Variants in TSSK2 observed in about 807,000 individuals in gnomAD.
TSSK2 encodes the protein testis specific serine kinase 2, also known as testis-specific serine/threonine-protein kinase 2.
In TSSK2, 5 loss-of-function variants were observed where a neutral mutation model predicts 14.2. That is an observed-to-expected ratio of 0.35 (90% confidence interval 0.18 to 0.74). The LOEUF is 0.74. Among genes scored for constraint, TSSK2 ranks in the 30% least tolerant of loss-of-function variants. The pLI, the probability that TSSK2 is intolerant of heterozygous loss-of-function variation, is 0.56. For missense variants in TSSK2, 439 were observed against 491.1 expected, an observed-to-expected ratio of 0.89 and a Z score of 1.00; for synonymous variants, 209 against 201.9, an observed-to-expected ratio of 1.04 and a Z score of -0.30.
rs2083505778 is a variant in TSSK2, at chr22:19,131,471, A to G, written c.72A>G (p.Ala24=). The G allele has an allele frequency of 6.2e-7, 1 of 1,614,134 alleles. No individual in the cohort carries two copies. Among genetic ancestry groups the G allele is most frequent in the African/African-American group, 1.3e-5 (1 of 75,042 alleles). The stretch of plus-strand genomic sequence containing the variant: ...TCAATCTTGGCAAGGGTTCCTACGC[A>G]AAAGTCAAATCTGCCTACTCTGAGC... ...VGINLGKGSY[A]KVKSAYSERL... Residue 24 remains alanine (A), a synonymous_variant, in exon 1 of 1, where the codon GCA becomes GCG. Transcript: ENST00000399635. The surrounding 1 kb of genome is among the most constrained non-coding windows in gnomAD (Gnocchi z 5.7).
chr22:19,131,785 A>ACCTGGACAT lies in TSSK2; in HGVS notation c.388_396dup (p.Leu130_Ile132dup), dbSNP rs2083510245. ...TCCTCCGCCGTCAAGTACTGCCACG[A>ACCTGGACAT]CCTGGACATCGTCCACCGGGACCTC... On this transcript the variant is annotated inframe_insertion, in exon 1 of 1. Transcript: ENST00000399635. The surrounding 1 kb of genome is among the most constrained non-coding windows in gnomAD (Gnocchi z 5.7). 2 of 1,614,018 alleles carry ACCTGGACAT rather than the reference A, an allele frequency of 1.2e-6. No individual in the cohort carries two copies. The highest frequency in any genetic ancestry group is 1.7e-6 in the Non-Finnish European group (2 of 1,180,028).
rs746537468 is a variant in TSSK2, at chr22:19,132,271, G to A, written c.872G>A (p.Gly291Asp). The stretch of plus-strand genomic sequence containing the variant: ...GCCTCCTTCAAGAGGGAGGGGGAGG[G>A]CAAGTACCGCGCTGAGTGCAAACTG... Reference protein sequence around the residue: ...SSASFKREGEGKYRAECKLDT... With the variant: ...SSASFKREGEDKYRAECKLDT... The change falls in exon 1 of 1, where the codon GGC becomes GAC. Residue 291 changes from glycine (G) to aspartate (D), a missense_variant. By Grantham distance (94) the Gly-to-Asp change is moderately conservative. Coordinates refer to ENST00000399635, the MANE Select transcript of TSSK2 (RefSeq NM_053006.5). This position sits in a 1 kb window ranked among gnomAD's most constrained non-coding sequence, Gnocchi z 4.2. The A allele has an allele frequency of 6.2e-7, 1 of 1,613,072 alleles. No homozygotes were observed. The highest frequency in any genetic ancestry group is 8.5e-7 in the Non-Finnish European group (1 of 1,179,614).
In TSSK2 at chr22:19,131,613, A is replaced by G; in HGVS notation, c.214A>G (p.Ile72Val). The change falls in exon 1 of 1, where the codon ATC becomes GTC. Residue 72 changes from isoleucine to valine, a missense_variant. By Grantham distance (29) the Ile-to-Val change is conservative. Coordinates refer to ENST00000399635, the MANE Select transcript of TSSK2 (RefSeq NM_053006.5). The surrounding 1 kb of genome is among the most constrained non-coding windows in gnomAD (Gnocchi z 5.7). ...CCTGGCAACTGTCAACCACGGCTCCATCATCAAGACTTACGAGATCTTTGA... is the reference window on the plus strand; with the variant it reads ...CCTGGCAACTGTCAACCACGGCTCCGTCATCAAGACTTACGAGATCTTTGA... ...DILATVNHGS[I>V]IKTYEIFETS... 1.2e-6 allele frequency: 2 copies of G among 1,614,106 alleles called. No homozygotes were observed. The highest frequency in any genetic ancestry group is 1.3e-5 in the African/African-American group (1 of 75,026).
chr22:19,132,409 T>A lies in TSSK2; in HGVS notation c.1010T>A (p.Leu337Gln), dbSNP rs2083518993. The stretch of plus-strand genomic sequence containing the variant: ...AACGAGAACAGGATGGAGGACAGGC[T>A]GGCCGAGACCTCCAGGGCCAAAGAC... ...PENENRMEDR[L>Q]AETSRAKDHH... Residue 337 changes from leucine to glutamine, a missense_variant, in exon 1 of 1, where the codon CTG becomes CAG. By Grantham distance (113) the Leu-to-Gln change is moderately radical. Transcript: ENST00000399635. The surrounding 1 kb of genome is among the most constrained non-coding windows in gnomAD (Gnocchi z 4.2). The A allele has an allele frequency of 4.3e-6, 7 of 1,612,788 alleles. No individual in the cohort carries two copies. Among genetic ancestry groups the A allele is most frequent in the Non-Finnish European group, 5.9e-6 (7 of 1,179,960 alleles).
Position 19,131,357 on chromosome 22 carries a change from C to CG in TSSK2, c.-37dup, listed in dbSNP as rs750547740. 2.6e-6 allele frequency: 4 copies of CG among 1,514,068 alleles called. No homozygotes were observed. The highest frequency in any genetic ancestry group is 2.3e-5 in the East Asian group (1 of 44,274). The allele number at this position is 1,514,068 out of a possible 1,614,324, so 93.8% of individuals were successfully genotyped here. A position where few individuals can be genotyped will look rare whatever the true frequency, so the allele number is the denominator to read the frequency against. The stretch of plus-strand genomic sequence containing the variant: ...GGACAATGCCTGCTGGCCCACATGA[C>CG]GGGGGGATGTAGACGGCAGCGGCGC... On this transcript the variant is annotated 5_prime_UTR_variant, in exon 1 of 1. It removes the in-frame stop codon of an upstream open reading frame in the 5' UTR. Coordinates refer to ENST00000399635, the MANE Select transcript of TSSK2 (RefSeq NM_053006.5). The surrounding 1 kb of genome is among the most constrained non-coding windows in gnomAD (Gnocchi z 5.7).
At position 19,132,457 on chromosome 22, in the gene TSSK2, T is replaced by C. The variant is rs1326047900; in HGVS notation, c.1058T>C (p.Val353Ala). The C allele has an allele frequency of 1.2e-6, 2 of 1,609,480 alleles. No individual in the cohort carries two copies. Among genetic ancestry groups the C allele is most frequent in the Admixed American group, 1.7e-5 (1 of 59,776 alleles). ...AKDHHISGAE[V>A]GKAST Reference sequence around the variant, plus strand: ...GACCATCACATCTCCGGAGCTGAGGTGGGGAAAGCAAGCACCTAGCATGAC... The same window carrying C: ...GACCATCACATCTCCGGAGCTGAGGCGGGGAAAGCAAGCACCTAGCATGAC... The change falls in exon 1 of 1, where the codon GTG becomes GCG. Residue 353 changes from valine to alanine, a missense_variant. Coordinates refer to ENST00000399635, the MANE Select transcript of TSSK2 (RefSeq NM_053006.5). This position sits in a 1 kb window ranked among gnomAD's most constrained non-coding sequence, Gnocchi z 4.2.
chr22:19,132,484 A>T lies in TSSK2; in HGVS notation c.*8A>T. On this transcript the variant is annotated 3_prime_UTR_variant, in exon 1 of 1. Transcript: ENST00000399635. The surrounding 1 kb of genome is among the most constrained non-coding windows in gnomAD (Gnocchi z 4.2). The stretch of plus-strand genomic sequence containing the variant: ...GGGAAAGCAAGCACCTAGCATGACA[A>T]TGGCCCCGTTGTGTGTGGTGGGGGT... 6.2e-7 allele frequency: 1 copy of T among 1,600,750 alleles called. No individual in the cohort carries two copies. Among genetic ancestry groups the T allele is most frequent in the Non-Finnish European group, 8.5e-7 (1 of 1,172,488 alleles).
In TSSK2 at chr22:19,132,133, G is replaced by A. The variant is rs753184814; in HGVS notation, c.734G>A (p.Cys245Tyr). ...CGCTCCAAGAACCTGACCTGCGAGT[G>A]CAAGGACCTCATCTACCGCATGCTG... ...FPRSKNLTCECKDLIYRMLQP... is the reference protein window; with the variant it reads ...FPRSKNLTCEYKDLIYRMLQP... Residue 245 changes from cysteine to tyrosine, a missense_variant, in exon 1 of 1, where the codon TGC (cysteine) becomes TAC (tyrosine). By Grantham distance (194) the Cys-to-Tyr change is radical. Coordinates refer to ENST00000399635, the MANE Select transcript of TSSK2 (RefSeq NM_053006.5). This position sits in a 1 kb window ranked among gnomAD's most constrained non-coding sequence, Gnocchi z 4.2. 2 of 1,612,894 alleles carry A rather than the reference G, an allele frequency of 1.2e-6. No individual in the cohort carries two copies. The highest frequency in any genetic ancestry group is 2.2e-5 in the East Asian group (1 of 44,832).
In TSSK2 at chr22:19,132,582, G is replaced by GGCAC. The variant is rs1335320412; in HGVS notation, c.*107_*108insCACG. ...GCAGGTAGGATCTGAAGAAGGCACA[G>GGCAC]GTGCAAGTAAAATTCGTCAATTAAA... On this transcript the variant is annotated 3_prime_UTR_variant, in exon 1 of 1. Coordinates refer to ENST00000399635, the MANE Select transcript of TSSK2 (RefSeq NM_053006.5). This position sits in a 1 kb window ranked among gnomAD's most constrained non-coding sequence, Gnocchi z 4.2. 1 of 1,168,572 alleles carries GGCAC rather than the reference G, an allele frequency of 8.6e-7. No individual in the cohort carries two copies. Among genetic ancestry groups the GGCAC allele is most frequent in the African/African-American group, 1.5e-5 (1 of 64,770 alleles). The allele number at this position is 1,168,572 out of a possible 1,614,324, so 72.4% of individuals were successfully genotyped here.
rs1163081071 is a variant in TSSK2 at position 19,132,245 on chromosome 22, T to C, written c.846T>C (p.Ser282=). 3 of 1,611,974 alleles carry C rather than the reference T, an allele frequency of 1.9e-6. No homozygotes were observed. Among genetic ancestry groups the C allele is most frequent in the Non-Finnish European group, 2.5e-6 (3 of 1,178,534 alleles). The change falls in exon 1 of 1, where the codon TCT becomes TCC. Residue 282 remains serine, a synonymous_variant. Coordinates refer to ENST00000399635, the MANE Select transcript of TSSK2 (RefSeq NM_053006.5). The surrounding 1 kb of genome is among the most constrained non-coding windows in gnomAD (Gnocchi z 4.2). The part of the protein sequence containing the change: ...LQPPKPKATS[S]ASFKREGEGK... ...CCCCCAAGCCCAAAGCCACGTCTTC[T>C]GCCTCCTTCAAGAGGGAGGGGGAGG...
rs2083506220 is a variant in TSSK2 at position 19,131,503 on chromosome 22, A to G, written c.104A>G (p.Lys35Arg). 1 of 1,614,156 alleles carries G rather than the reference A, an allele frequency of 6.2e-7. No homozygotes were observed. The highest frequency in any genetic ancestry group is 1.7e-5 in the Admixed American group (1 of 60,026). The change falls in exon 1 of 1, where the codon AAG becomes AGG. Residue 35 changes from lysine (K) to arginine (R), a missense_variant. Lys to Arg is a conservative substitution (Grantham distance 26, BLOSUM62 2). Transcript: ENST00000399635. This position sits in a 1 kb window ranked among gnomAD's most constrained non-coding sequence, Gnocchi z 5.7. ...KVKSAYSERL[K>R]FNVAVKIIDR... The stretch of plus-strand genomic sequence containing the variant: ...AAATCTGCCTACTCTGAGCGCCTCA[A>G]GTTCAATGTGGCTGTCAAGATCATC...
rs750597559 is a variant in TSSK2 at position 19,132,389 on chromosome 22, G to T, written c.990G>T (p.Glu330Asp). ...QHRLLVVPEN[E>D]NRMEDRLAET... ...GGCTGCTGGTGGTGCCCGAGAACGA[G>T]AACAGGATGGAGGACAGGCTGGCCG... The change falls in exon 1 of 1, where the codon GAG (glutamate) becomes GAT (aspartate). Residue 330 changes from glutamate (E) to aspartate (D), a missense_variant. Physicochemically the swap from Glu to Asp is conservative, Grantham distance 45 (BLOSUM62 2). Coordinates refer to ENST00000399635, the MANE Select transcript of TSSK2 (RefSeq NM_053006.5). The surrounding 1 kb of genome is among the most constrained non-coding windows in gnomAD (Gnocchi z 4.2). The T allele has an allele frequency of 6.8e-6, 11 of 1,613,076 alleles. No individual in the cohort carries two copies. The highest frequency in any genetic ancestry group is 8.5e-6 in the Non-Finnish European group (10 of 1,180,022).
Position 19,132,578 on chromosome 22 carries a change from C to A in TSSK2, c.*102C>A. The A allele has an allele frequency of 1.7e-6, 2 of 1,197,138 alleles. No homozygotes were observed. Among genetic ancestry groups the A allele is most frequent in the Non-Finnish European group, 2.4e-6 (2 of 844,288 alleles). The allele number at this position is 1,197,138 out of a possible 1,614,324, so 74.2% of individuals were successfully genotyped here. A position where few individuals can be genotyped will look rare whatever the true frequency, so the allele number is the denominator to read the frequency against. ...GTAGGCAGGTAGGATCTGAAGAAGG[C>A]ACAGGTGCAAGTAAAATTCGTCAAT... On this transcript the variant is annotated 3_prime_UTR_variant, in exon 1 of 1. Coordinates refer to ENST00000399635, the MANE Select transcript of TSSK2 (RefSeq NM_053006.5). This position sits in a 1 kb window ranked among gnomAD's most constrained non-coding sequence, Gnocchi z 4.2.
chr22:19,132,211 G>A lies in TSSK2; in HGVS notation c.812G>A (p.Trp271Ter). Residue 271 changes from tryptophan (W) to a stop codon, truncating the protein, a stop_gained, in exon 1 of 1, where the codon TGG (tryptophan) becomes TAG (stop). Transcript: ENST00000399635. LOFTEE classifies it high-confidence loss of function. This position sits in a 1 kb window ranked among gnomAD's most constrained non-coding sequence, Gnocchi z 4.2. ...ATCGATGAGATCCTCAGCCACTCGTGGCTGCAGCCCCCCAAGCCCAAAGCC... is the reference window on the plus strand; with the variant it reads ...ATCGATGAGATCCTCAGCCACTCGTAGCTGCAGCCCCCCAAGCCCAAAGCC... ...LHIDEILSHS[W>*]LQPPKPKATS... 1.2e-6 allele frequency: 2 copies of A among 1,612,464 alleles called. No homozygotes were observed. The highest frequency in any genetic ancestry group is 1.7e-6 in the Non-Finnish European group (2 of 1,178,806).
At position 19,132,151 on chromosome 22, in the gene TSSK2, G is replaced by T; in HGVS notation, c.752G>T (p.Arg251Leu). Residue 251 changes from arginine (R) to leucine (L), a missense_variant, in exon 1 of 1, where the codon CGC becomes CTC. Physicochemically the swap from Arg to Leu is moderately radical, Grantham distance 102. Coordinates refer to ENST00000399635, the MANE Select transcript of TSSK2 (RefSeq NM_053006.5). This position sits in a 1 kb window ranked among gnomAD's most constrained non-coding sequence, Gnocchi z 4.2. The stretch of plus-strand genomic sequence containing the variant: ...TGCGAGTGCAAGGACCTCATCTACC[G>T]CATGCTGCAGCCCGACGTCAGCCAG... ...LTCECKDLIYRMLQPDVSQRL... is the reference protein window; with the variant it reads ...LTCECKDLIYLMLQPDVSQRL... 1 of 1,613,144 alleles carries T rather than the reference G, an allele frequency of 6.2e-7. No homozygotes were observed. The highest frequency in any genetic ancestry group is 1.3e-5 in the African/African-American group (1 of 74,986).
In TSSK2 at chr22:19,132,237, A is replaced by ACGT; in HGVS notation, c.840_842dup (p.Ser282dup). On this transcript the variant is annotated inframe_insertion, in exon 1 of 1. Coordinates refer to ENST00000399635, the MANE Select transcript of TSSK2 (RefSeq NM_053006.5). This position sits in a 1 kb window ranked among gnomAD's most constrained non-coding sequence, Gnocchi z 4.2. The stretch of plus-strand genomic sequence containing the variant: ...GCTGCAGCCCCCCAAGCCCAAAGCC[A>ACGT]CGTCTTCTGCCTCCTTCAAGAGGGA... 6.2e-7 allele frequency: 1 copy of ACGT among 1,612,134 alleles called. No homozygotes were observed. The highest frequency in any genetic ancestry group is 8.5e-7 in the Non-Finnish European group (1 of 1,178,596).
Position 19,131,690 on chromosome 22 carries a change from C to A in TSSK2, c.291C>A (p.Asp97Glu), listed in dbSNP as rs2083508946. ...TCATGGAGCTTGGCGTCCAGGGCGA[C>A]CTCCTCGAGTTCATCAAGTGCCAGG... ...YIIMELGVQG[D>E]LLEFIKCQGA... Residue 97 changes from aspartate (D) to glutamate (E), a missense_variant, in exon 1 of 1, where the codon GAC becomes GAA. Coordinates refer to ENST00000399635, the MANE Select transcript of TSSK2 (RefSeq NM_053006.5). This position sits in a 1 kb window ranked among gnomAD's most constrained non-coding sequence, Gnocchi z 5.7. 1 of 1,614,112 alleles carries A rather than the reference C, an allele frequency of 6.2e-7. No individual in the cohort carries two copies. The highest frequency in any genetic ancestry group is 8.5e-7 in the Non-Finnish European group (1 of 1,180,002).
rs1308159808 is a variant in TSSK2 at position 19,131,734 on chromosome 22, T to C, written c.335T>C (p.Val112Ala). 2 of 1,613,992 alleles carry C rather than the reference T, an allele frequency of 1.2e-6. No individual in the cohort carries two copies. The highest frequency in any genetic ancestry group is 2.7e-5 in the African/African-American group (2 of 74,912). ...TGCCAGGGAGCCCTGCATGAGGACG[T>C]GGCACGCAAGATGTTCCGACAGCTC... ...IKCQGALHED[V>A]ARKMFRQLSS... The change falls in exon 1 of 1, where the codon GTG (valine) becomes GCG (alanine). Residue 112 changes from valine to alanine, a missense_variant. By Grantham distance (64) the Val-to-Ala change is moderately conservative. Transcript: ENST00000399635. This position sits in a 1 kb window ranked among gnomAD's most constrained non-coding sequence, Gnocchi z 5.7.
In TSSK2 at chr22:19,131,936, A is replaced by G; in HGVS notation, c.537A>G (p.Ala179=). The G allele has an allele frequency of 6.2e-7, 1 of 1,614,170 alleles. No individual in the cohort carries two copies. Among genetic ancestry groups the G allele is most frequent in the Non-Finnish European group, 8.5e-7 (1 of 1,180,004 alleles). Residue 179 remains alanine (A), a synonymous_variant, in exon 1 of 1, where the codon GCA becomes GCG. Transcript: ENST00000399635. The surrounding 1 kb of genome is among the most constrained non-coding windows in gnomAD (Gnocchi z 5.7). ...TCAGCAAGACCTTCTGCGGGTCGGCAGCATATGCAGCCCCCGAGGTGCTGC... is the reference window on the plus strand; with the variant it reads ...TCAGCAAGACCTTCTGCGGGTCGGCGGCATATGCAGCCCCCGAGGTGCTGC... ...IILSKTFCGS[A]AYAAPEVLQS...
Sources: allele counts gnomAD v4.1 joint callset, GRCh38; gene constraint gnomAD v4.1.1; non-coding constraint Gnocchi (gnomAD v3.1); transcripts MANE v1.5; gene names NCBI Gene and HGNC (gene_info 2026-07-23, HGNC 2026-07-21).